Variants in JAZF1 observed in about 807,000 individuals in gnomAD.
The protein encoded by JAZF1 is JAZF zinc finger 1.
A neutral mutation model predicts 26.4 loss-of-function variants in JAZF1; 8 were observed. The observed-to-expected ratio is 0.30, with a 90% CI of 0.18 to 0.55. The LOEUF (loss-of-function observed/expected upper bound fraction) is 0.55, where lower values mean the gene tolerates loss of function less well. JAZF1 is among the 20% of genes least tolerant of loss of function. JAZF1 has a pLI of 0.94. For missense variants in JAZF1, 199 were observed against 322.0 expected (o/e 0.62, Z 2.92); for synonymous variants, 126 against 122.3 (o/e 1.03, Z -0.20).
intron 1 of JAZF1, among the ~76,000 whole-genome samples, chr7:28,027,245 A>G (rs1783108565): frequency 6.6e-6 from 1 of 152,208 alleles, no homozygotes; most frequent in South Asian, 2.1e-4. Context: ...CACGGTGAAG[A>G]AGAAAATCCT....
At chr7:28,037,207 C>A (rs1328943113) in intron 1 of JAZF1, among the ~76,000 whole-genome samples, 1 of 152,178 alleles carries the variant, frequency 6.6e-6, no homozygotes, top group Non-Finnish European at 1.5e-5. Flanking sequence ...TGTTTTCTTG[C>A]AAATGTCCTC....
At chr7:27,853,535 T>A (rs1783190422) in intron 3 of JAZF1, among the ~76,000 whole-genome samples, 1 of 152,250 alleles carries the variant, frequency 6.6e-6, no homozygotes, top group Admixed American at 6.5e-5. Context: ...AGGCTCTTGC[T>A]ACCTGAGACC....
At chr7:27,881,819 T>C (rs1213498435) in intron 3 of JAZF1, among the ~76,000 whole-genome samples, 1 of 152,184 alleles carries the variant, frequency 6.6e-6, no homozygotes, top group African/African-American at 2.4e-5. Flanking sequence ...TAGGCAGCCA[T>C]TTTCAAGTCA....
chr7:28,150,643 C>T (rs1783098306), intron 1 of JAZF1, among the ~76,000 whole-genome samples: 1 of 152,192 alleles, frequency 6.6e-6, no homozygotes, highest in Non-Finnish European at 1.5e-5. Context: ...CAGGAAGGGG[C>T]TTTCCTCTCC....
intron 1 of JAZF1, among the ~76,000 whole-genome samples, chr7:28,174,821 G>GGTGTGTGTGGGTGTGTGTGT (rs1783524854): frequency 9.3e-6 from 1 of 107,690 alleles, no homozygotes; most frequent in African/African-American, 2.8e-5. Context: ...GGGGTGTGTG[G>GGTGTGTGTGGGTGTGTGTGT]GTGTGTGTGT....
intron 1 of JAZF1, among the ~76,000 whole-genome samples, chr7:28,115,160 G>A (rs751165114): frequency 1.7e-4 from 26 of 152,138 alleles, no homozygotes; most frequent in Non-Finnish European, 3.2e-4. Flanking sequence ...CTACATCAGG[G>A]CTGCACAAAA....
At chr7:27,931,867 C>T (rs1784693634) in intron 2 of JAZF1, among the ~76,000 whole-genome samples, 1 of 151,802 alleles carries the variant, frequency 6.6e-6, no homozygotes, top group African/African-American at 2.4e-5. Context: ...GAGCCAAGAT[C>T]GCACCACTGC....
rs186333010 is a variant in JAZF1 at position 28,159,917 on chromosome 7, G to A, written c.115+20546C>T. Reference sequence around the variant, plus strand: ...CCCTTATAAGCGAAACCATAATTACGAAATAAAGTGCTTTGAATTAAAAAG... The same window carrying A: ...CCCTTATAAGCGAAACCATAATTACAAAATAAAGTGCTTTGAATTAAAAAG... On this transcript the variant is annotated intron_variant, in intron 1 of 4. Coordinates refer to ENST00000283928, the MANE Select transcript of JAZF1 (RefSeq NM_175061.4). Among the ~76,000 whole-genome samples, 328 of 152,206 alleles carry A rather than the reference G, an allele frequency of 2.2e-3. 3 individuals carry two copies. Among genetic ancestry groups the A allele is most frequent in the Middle Eastern group, 3.4e-3 (1 of 294 alleles).
chr7:28,094,773 T>G (rs1163602771), intron 1 of JAZF1, among the ~76,000 whole-genome samples: 5 of 152,080 alleles, frequency 3.3e-5, no homozygotes, highest in Non-Finnish European at 4.4e-5. Flanking sequence ...TATTTTTTAT[T>G]TTTTTTGCCA....
chr7:27,992,691 G>T (rs571996926), intron 1 of JAZF1, among the ~76,000 whole-genome samples: 1 of 152,098 alleles, frequency 6.6e-6, no homozygotes, highest in Non-Finnish European at 1.5e-5. Flanking sequence ...CTCACATAGA[G>T]AAATGACTGT....
intron 3 of JAZF1, among the ~76,000 whole-genome samples, chr7:27,864,576 C>G (rs1783441670): frequency 6.6e-6 from 1 of 152,198 alleles, no homozygotes; most frequent in African/African-American, 2.4e-5. Flanking sequence ...GCTGACTTCT[C>G]CTGGTACCTG....
At position 28,137,049 on chromosome 7, in the gene JAZF1, A is replaced by T. The variant is rs75268944; in HGVS notation, c.115+43414T>A. On this transcript the variant is annotated intron_variant, in intron 1 of 4. Coordinates refer to ENST00000283928, the MANE Select transcript of JAZF1 (RefSeq NM_175061.4). Reference sequence around the variant, plus strand: ...TGCCCAACAGCCCAACAAGCTAGGCATCCTGATACCATCTTACCGAGGCAG... The same window carrying T: ...TGCCCAACAGCCCAACAAGCTAGGCTTCCTGATACCATCTTACCGAGGCAG... Among the ~76,000 whole-genome samples, 1,976 of 152,312 alleles carry T rather than the reference A, an allele frequency of 0.013. 137 individuals are homozygous for T. In the East Asian group the frequency reaches 0.22, roughly 17 times the overall value.
intron 2 of JAZF1, among the ~76,000 whole-genome samples, chr7:27,917,455 C>T (rs1226883673): frequency 2.0e-5 from 3 of 152,208 alleles, no homozygotes; most frequent in African/African-American, 7.2e-5. Context: ...CTCAGTAGGT[C>T]TAGGGTGGCA....
chr7:28,158,823 T>C (rs1158081335), intron 1 of JAZF1, among the ~76,000 whole-genome samples: 3 of 152,202 alleles, frequency 2.0e-5, no homozygotes, highest in Non-Finnish European at 2.9e-5. Context: ...GATATGGACA[T>C]AGACTGGGCT....
At chr7:28,133,026 C>G (rs1420044114) in intron 1 of JAZF1, among the ~76,000 whole-genome samples, 1 of 152,182 alleles carries the variant, frequency 6.6e-6, no homozygotes, top group African/African-American at 2.4e-5. Context: ...AGCAAACCAC[C>G]TCTGGCAAGC....
intron 2 of JAZF1, among the ~76,000 whole-genome samples, chr7:27,899,782 C>T: frequency 6.6e-6 from 1 of 152,082 alleles, no homozygotes; most frequent in South Asian, 2.1e-4. Flanking sequence ...CAGGTCCAGC[C>T]CCCTCATTTG....
intron 2 of JAZF1, among the ~76,000 whole-genome samples, chr7:27,990,671 T>C (rs1221194355): frequency 6.6e-6 from 1 of 152,154 alleles, no homozygotes; most frequent in African/African-American, 2.4e-5. Flanking sequence ...TCTCCAATAT[T>C]AGTAGGCCAA....
chr7:27,968,953 A>C (rs950755476), intron 2 of JAZF1, among the ~76,000 whole-genome samples: 2 of 152,202 alleles, frequency 1.3e-5, no homozygotes, highest in African/African-American at 4.8e-5. Flanking sequence ...TGTACGAATA[A>C]TAGATAGTAT....
At chr7:27,865,699 C>A (rs1385304524) in intron 3 of JAZF1, among the ~76,000 whole-genome samples, 1 of 152,052 alleles carries the variant, frequency 6.6e-6, no homozygotes, top group African/African-American at 2.4e-5. Context: ...CAGCCCTCCC[C>A]ACCAGGAACC....
Sources: gnomAD v4.1 joint callset for allele counts (sites outside exome capture counted in the v4.1 genomes callset) on GRCh38, gnomAD v4.1.1 for gene constraint, MANE v1.5 for transcripts, NCBI Gene and HGNC (gene_info 2026-07-23, HGNC 2026-07-21) for gene names.